Variants in ADO observed in about 807,000 individuals in gnomAD.
ADO encodes 2-aminoethanethiol dioxygenase.
A neutral mutation model predicts 16.6 loss-of-function variants in ADO; 9 were observed. That is an observed-to-expected ratio of 0.54 (90% CI 0.33 to 0.95). ADO has a LOEUF of 0.95. Among genes scored for constraint, ADO ranks in the 40% least tolerant of loss-of-function variants. ADO has a pLI of 0.03. For missense variants in ADO, 356 were observed against 386.4 expected (o/e 0.92, Z 0.66); for synonymous variants, 189 against 179.6 (o/e 1.05, Z -0.42).
Position 62,807,222 on chromosome 10 carries a change from C to T in ADO, c.*1350C>T, listed in dbSNP as rs1270807985. On this transcript the variant is annotated 3_prime_UTR_variant, in exon 1 of 1. Coordinates refer to ENST00000373783, the MANE Select transcript of ADO (RefSeq NM_032804.6). ...TACCTTGTTTACACATGTATTGACA[C>T]CATTTGCTTCAGGCCATGGAGCACT... The T allele has an allele frequency of 1.8e-5, 3 of 167,238 alleles. No homozygotes were observed. Among genetic ancestry groups the T allele is most frequent in the Non-Finnish European group, 4.4e-5 (3 of 68,126 alleles). The allele number at this position is 167,238 out of a possible 1,614,324, so 10.4% of individuals were successfully genotyped here.
Position 62,805,993 on chromosome 10 carries a change from C to A in ADO, c.*121C>A. ...GAATGAGCAGCAGCCGCTTCCTCGG[C>A]AGCCTTGGGAAGCACGGGCGACTGG... On this transcript the variant is annotated 3_prime_UTR_variant, in exon 1 of 1. Coordinates refer to ENST00000373783, the MANE Select transcript of ADO (RefSeq NM_032804.6). This position sits in a 1 kb window ranked among gnomAD's most constrained non-coding sequence, Gnocchi z 6.4. The A allele has an allele frequency of 2.4e-6, 2 of 826,406 alleles. No homozygotes were observed. Among genetic ancestry groups the A allele is most frequent in the Non-Finnish European group, 3.2e-6 (2 of 629,866 alleles). 51.2% of individuals were successfully genotyped at this position (826,406 alleles called of 1,614,324 possible).
rs1429350442 is a variant in ADO at position 62,805,959 on chromosome 10, G to A, written c.*87G>A. 3 of 1,201,684 alleles carry A rather than the reference G, an allele frequency of 2.5e-6. No individual in the cohort carries two copies. The highest frequency in any genetic ancestry group is 3.2e-6 in the Non-Finnish European group (3 of 923,454). The allele number at this position is 1,201,684 out of a possible 1,614,324, so 74.4% of individuals were successfully genotyped here. On this transcript the variant is annotated 3_prime_UTR_variant, in exon 1 of 1. Coordinates refer to ENST00000373783, the MANE Select transcript of ADO (RefSeq NM_032804.6). This position sits in a 1 kb window ranked among gnomAD's most constrained non-coding sequence, Gnocchi z 6.4. Reference sequence around the variant, plus strand: ...TCTCTACCCCCTAGCCTGGGCGTTGGATCTACTGGAATGAGCAGCAGCCGC... The same window carrying A: ...TCTCTACCCCCTAGCCTGGGCGTTGAATCTACTGGAATGAGCAGCAGCCGC...
chr10:62,807,748 T>G lies in ADO; in HGVS notation c.*1876T>G, dbSNP rs1842067534. 6.0e-6 allele frequency: 1 copy of G among 167,236 alleles called. No homozygotes were observed. Among genetic ancestry groups the G allele is most frequent in the Non-Finnish European group, 1.5e-5 (1 of 68,120 alleles). The allele number at this position is 167,236 out of a possible 1,614,324, so 10.4% of individuals were successfully genotyped here. On this transcript the variant is annotated 3_prime_UTR_variant, in exon 1 of 1. Coordinates refer to ENST00000373783, the MANE Select transcript of ADO (RefSeq NM_032804.6). ...GTTTGAAGCAGTTCTTCATGCCACT[T>G]AGTTTGAAAATAAAATTCTAGATAT...
chr10:62,806,697 G>C lies in ADO; in HGVS notation c.*825G>C, dbSNP rs768667674. 1.8e-5 allele frequency: 3 copies of C among 166,788 alleles called. No individual in the cohort carries two copies. The highest frequency in any genetic ancestry group is 2.9e-5 in the Non-Finnish European group (2 of 68,052). 10.3% of individuals were successfully genotyped at this position (166,788 alleles called of 1,614,324 possible). A position where few individuals can be genotyped will look rare whatever the true frequency, so the allele number is the denominator to read the frequency against. ...TTATCCTCACATGACTTTTTTTCTT[G>C]TCTTACTGTACCTTAAAAGGTGATA... On this transcript the variant is annotated 3_prime_UTR_variant, in exon 1 of 1. Transcript: ENST00000373783.
chr10:62,805,238 A>T lies in ADO; in HGVS notation c.179A>T (p.Gln60Leu). The change falls in exon 1 of 1, where the codon CAG becomes CTG. Residue 60 changes from glutamine to leucine, a missense_variant. Gln to Leu is a moderately radical substitution (Grantham distance 113). Transcript: ENST00000373783. The surrounding 1 kb of genome is among the most constrained non-coding windows in gnomAD (Gnocchi z 6.4). ...AGCAAGCTGAAGAGCCTCCTGACCC[A>T]GCTCCGCGCCGAGGACTTGAACATC... ...NLSKLKSLLT[Q>L]LRAEDLNIAP... is the part of the protein sequence containing the mutation. 1 of 1,602,720 alleles carries T rather than the reference A, an allele frequency of 6.2e-7. No homozygotes were observed. The highest frequency in any genetic ancestry group is 8.5e-7 in the Non-Finnish European group (1 of 1,177,892).
chr10:62,805,807 A>G lies in ADO; in HGVS notation c.748A>G (p.Thr250Ala). 1.3e-6 allele frequency: 2 copies of G among 1,581,110 alleles called. No homozygotes were observed. The highest frequency in any genetic ancestry group is 1.7e-6 in the Non-Finnish European group (2 of 1,164,490). Residue 250 changes from threonine to alanine, a missense_variant, in exon 1 of 1, where the codon ACC becomes GCC. Coordinates refer to ENST00000373783, the MANE Select transcript of ADO (RefSeq NM_032804.6). This position sits in a 1 kb window ranked among gnomAD's most constrained non-coding sequence, Gnocchi z 6.4. ...GCCTCGAGAGGTGTGGCTCCTGGAG[A>G]CCCCACAGGCCGATGACTTCTGGTG... ...DLPREVWLLETPQADDFWCEG... is the reference protein window; with the variant it reads ...DLPREVWLLEAPQADDFWCEG...
In ADO at chr10:62,804,755, G is replaced by T. The variant is rs553579183; in HGVS notation, c.-305G>T. 1.7e-3 allele frequency: 352 copies of T among 212,496 alleles called. 1 individual carries two copies. Among genetic ancestry groups the T allele is most frequent in the Middle Eastern group, 9.4e-3 (6 of 640 alleles). The allele number at this position is 212,496 out of a possible 1,614,324, so 13.2% of individuals were successfully genotyped here. On this transcript the variant is annotated 5_prime_UTR_variant, in exon 1 of 1. It removes an upstream start codon present in the reference 5' UTR. Coordinates refer to ENST00000373783, the MANE Select transcript of ADO (RefSeq NM_032804.6). ...CCACCGTCGTAGGTGCGGGCCGCAT[G>T]AATGGAGCGCCGGGCGTAAGGCAAA...
At position 62,808,320 on chromosome 10, in the gene ADO, T is replaced by A. The variant is rs569376242; in HGVS notation, c.*2448T>A. 9.0e-5 allele frequency: 15 copies of A among 167,290 alleles called. No individual in the cohort carries two copies. Among genetic ancestry groups the A allele is most frequent in the Non-Finnish European group, 2.2e-4 (15 of 68,126 alleles). 10.4% of individuals were successfully genotyped at this position (167,290 alleles called of 1,614,324 possible). ...AAACTGTTAGTCGTGACTGACTTGGTGTGTTGCTATTGTGTTTCTATATAC... is the reference window on the plus strand; with the variant it reads ...AAACTGTTAGTCGTGACTGACTTGGAGTGTTGCTATTGTGTTTCTATATAC... On this transcript the variant is annotated 3_prime_UTR_variant, in exon 1 of 1. Coordinates refer to ENST00000373783, the MANE Select transcript of ADO (RefSeq NM_032804.6).
Position 62,806,578 on chromosome 10 carries a change from A to G in ADO, c.*706A>G, listed in dbSNP as rs1220663451. ...TTCAGCACCTGCATATCTCTGTGACATGGTCACTTAGAGCTTATCTTCCCT... is the reference window on the plus strand; with the variant it reads ...TTCAGCACCTGCATATCTCTGTGACGTGGTCACTTAGAGCTTATCTTCCCT... On this transcript the variant is annotated 3_prime_UTR_variant, in exon 1 of 1. Transcript: ENST00000373783. 2 of 167,246 alleles carry G rather than the reference A, an allele frequency of 1.2e-5. No individual in the cohort carries two copies. Among genetic ancestry groups the G allele is most frequent in the Non-Finnish European group, 2.9e-5 (2 of 68,116 alleles). The allele number at this position is 167,246 out of a possible 1,614,324, so 10.4% of individuals were successfully genotyped here.
Position 62,806,946 on chromosome 10 carries a change from G to C in ADO, c.*1074G>C, listed in dbSNP as rs1473309349. ...CTCGGGTGATTCCAGCTGTGTTGCT[G>C]GCAGTGTTGTCTCAACCCTCTCCCT... On this transcript the variant is annotated 3_prime_UTR_variant, in exon 1 of 1. Transcript: ENST00000373783. 1 of 167,216 alleles carries C rather than the reference G, an allele frequency of 6.0e-6. No individual in the cohort carries two copies. Among genetic ancestry groups the C allele is most frequent in the African/African-American group, 2.4e-5 (1 of 41,454 alleles). The allele number at this position is 167,216 out of a possible 1,614,324, so 10.4% of individuals were successfully genotyped here.
Position 62,805,142 on chromosome 10 carries a change from G to A in ADO, c.83G>A (p.Arg28His), listed in dbSNP as rs1280819519. The change falls in exon 1 of 1, where the codon CGC (arginine) becomes CAC (histidine). Residue 28 changes from arginine (R) to histidine (H), a missense_variant. Transcript: ENST00000373783. This position sits in a 1 kb window ranked among gnomAD's most constrained non-coding sequence, Gnocchi z 6.4. The part of the protein sequence containing the change: ...CLTFRGSGGG[R>H]GASDRDAASG... ...ACCTTCCGGGGCAGCGGGGGCGGCC[G>A]CGGCGCTTCCGATCGCGACGCGGCT... is the stretch of plus-strand genomic sequence containing the variant. 3 of 1,574,554 alleles carry A rather than the reference G, an allele frequency of 1.9e-6. No homozygotes were observed. The highest frequency in any genetic ancestry group is 2.3e-5 in the East Asian group (1 of 43,980).
chr10:62,805,476 C>T lies in ADO; in HGVS notation c.417C>T (p.Gly139=). 6.5e-7 allele frequency: 1 copy of T among 1,538,098 alleles called. No homozygotes were observed. Residue 139 remains glycine (G), a synonymous_variant, in exon 1 of 1, where the codon GGC becomes GGT. Transcript: ENST00000373783. The surrounding 1 kb of genome is among the most constrained non-coding windows in gnomAD (Gnocchi z 6.4). ...RISCMDKLDA[G]GGQRPRALPP... ...GCTGCATGGACAAGCTAGACGCGGG[C>T]GGCGGGCAACGGCCGCGGGCCTTGC...
Position 62,806,009 on chromosome 10 carries a change from G to A in ADO, c.*137G>A. The A allele has an allele frequency of 4.2e-6, 3 of 722,188 alleles. No individual in the cohort carries two copies. The highest frequency in any genetic ancestry group is 4.0e-6 in the Non-Finnish European group (2 of 494,902). 44.7% of individuals were successfully genotyped at this position (722,188 alleles called of 1,614,324 possible). Reference sequence around the variant, plus strand: ...CTTCCTCGGCAGCCTTGGGAAGCACGGGCGACTGGACAGCAGCCGCCGGGC... The same window carrying A: ...CTTCCTCGGCAGCCTTGGGAAGCACAGGCGACTGGACAGCAGCCGCCGGGC... On this transcript the variant is annotated 3_prime_UTR_variant, in exon 1 of 1. Coordinates refer to ENST00000373783, the MANE Select transcript of ADO (RefSeq NM_032804.6).
rs755647923 is a variant in ADO at position 62,805,159 on chromosome 10, G to A, written c.100G>A (p.Asp34Asn). 7.5e-6 allele frequency: 12 copies of A among 1,589,482 alleles called. No homozygotes were observed. The South Asian group carries it at 1.0e-4, about 13-fold the overall frequency. The change falls in exon 1 of 1, where the codon GAC becomes AAC. Residue 34 changes from aspartate (D) to asparagine (N), a missense_variant. Asp to Asn is a conservative substitution (Grantham distance 23). Coordinates refer to ENST00000373783, the MANE Select transcript of ADO (RefSeq NM_032804.6). The surrounding 1 kb of genome is among the most constrained non-coding windows in gnomAD (Gnocchi z 6.4). Reference sequence around the variant, plus strand: ...GGGCGGCCGCGGCGCTTCCGATCGCGACGCGGCTTCTGGCCCGGAGGCGCC... The same window carrying A: ...GGGCGGCCGCGGCGCTTCCGATCGCAACGCGGCTTCTGGCCCGGAGGCGCC... ...SGGGRGASDR[D>N]AASGPEAPMQ...
At position 62,804,766 on chromosome 10, in the gene ADO, C is replaced by G. The variant is rs764612485; in HGVS notation, c.-294C>G. The G allele has an allele frequency of 4.5e-6, 1 of 221,458 alleles. No individual in the cohort carries two copies. Among genetic ancestry groups the G allele is most frequent in the African/African-American group, 2.3e-5 (1 of 43,532 alleles). The allele number at this position is 221,458 out of a possible 1,614,324, so 13.7% of individuals were successfully genotyped here. A position where few individuals can be genotyped will look rare whatever the true frequency, so the allele number is the denominator to read the frequency against. On this transcript the variant is annotated 5_prime_UTR_variant, in exon 1 of 1. Coordinates refer to ENST00000373783, the MANE Select transcript of ADO (RefSeq NM_032804.6). Reference sequence around the variant, plus strand: ...GGTGCGGGCCGCATGAATGGAGCGCCGGGCGTAAGGCAAAGCCTGGCACCG... The same window carrying G: ...GGTGCGGGCCGCATGAATGGAGCGCGGGGCGTAAGGCAAAGCCTGGCACCG...
Position 62,805,030 on chromosome 10 carries a change from C to T in ADO, c.-30C>T, listed in dbSNP as rs1842033570. ...CAAGGGGCGGAGGAAAGGAGGGGGCCGGTCCCGGCACGCAGAGGAGCAGCC... is the reference window on the plus strand; with the variant it reads ...CAAGGGGCGGAGGAAAGGAGGGGGCTGGTCCCGGCACGCAGAGGAGCAGCC... On this transcript the variant is annotated 5_prime_UTR_variant, in exon 1 of 1. Transcript: ENST00000373783. This position sits in a 1 kb window ranked among gnomAD's most constrained non-coding sequence, Gnocchi z 6.4. 1.4e-6 allele frequency: 2 copies of T among 1,423,576 alleles called. No homozygotes were observed. The highest frequency in any genetic ancestry group is 9.2e-7 in the Non-Finnish European group (1 of 1,090,396). 88.2% of individuals were successfully genotyped at this position (1,423,576 alleles called of 1,614,324 possible).
Position 62,807,199 on chromosome 10 carries a change from C to T in ADO, c.*1327C>T, listed in dbSNP as rs896987361. The T allele has an allele frequency of 6.0e-6, 1 of 167,238 alleles. No individual in the cohort carries two copies. The highest frequency in any genetic ancestry group is 1.5e-5 in the Non-Finnish European group (1 of 68,124). The allele number at this position is 167,238 out of a possible 1,614,324, so 10.4% of individuals were successfully genotyped here. On this transcript the variant is annotated 3_prime_UTR_variant, in exon 1 of 1. Coordinates refer to ENST00000373783, the MANE Select transcript of ADO (RefSeq NM_032804.6). ...GCTTTTAATAGTCCGAGCAGTCTTACCTTGTTTACACATGTATTGACACCA... is the reference window on the plus strand; with the variant it reads ...GCTTTTAATAGTCCGAGCAGTCTTATCTTGTTTACACATGTATTGACACCA...
rs1842033103 is a variant in ADO at position 62,804,983 on chromosome 10, C to T, written c.-77C>T. 7.6e-7 allele frequency: 1 copy of T among 1,322,716 alleles called. No individual in the cohort carries two copies. The highest frequency in any genetic ancestry group is 9.7e-7 in the Non-Finnish European group (1 of 1,026,576). 81.9% of individuals were successfully genotyped at this position (1,322,716 alleles called of 1,614,324 possible). On this transcript the variant is annotated 5_prime_UTR_variant, in exon 1 of 1. Transcript: ENST00000373783. ...CCGCCTCGACCCGGGCTGGGGGCAG[C>T]CGTGGCGGCCGCCGGGGACCGCAAG...
chr10:62,804,913 G>T lies in ADO; in HGVS notation c.-147G>T, dbSNP rs1279274822. On this transcript the variant is annotated 5_prime_UTR_variant, in exon 1 of 1. Coordinates refer to ENST00000373783, the MANE Select transcript of ADO (RefSeq NM_032804.6). Reference sequence around the variant, plus strand: ...TTGCGGGCGCGTGGCTGCTGAGGTTGGCGGCGGTGCCGCGCGCCCGACGGG... The same window carrying T: ...TTGCGGGCGCGTGGCTGCTGAGGTTTGCGGCGGTGCCGCGCGCCCGACGGG... 1.5e-5 allele frequency: 10 copies of T among 688,336 alleles called. No homozygotes were observed. Among genetic ancestry groups the T allele is most frequent in the Non-Finnish European group, 1.8e-5 (9 of 499,114 alleles). 42.6% of individuals were successfully genotyped at this position (688,336 alleles called of 1,614,324 possible).
Sources: allele counts gnomAD v4.1 joint callset, GRCh38; gene constraint gnomAD v4.1.1; non-coding constraint Gnocchi (gnomAD v3.1); transcripts MANE v1.5; gene names NCBI Gene and HGNC (gene_info 2026-07-23, HGNC 2026-07-21).